The following DACH2 variants were observed in gnomAD, a reference collection of about 807,000 sequenced individuals.
DACH2 encodes dachshund family transcription factor 2.
Under a neutral mutation model 35.8 loss-of-function variants are expected in DACH2, and 17 were observed. The ratio of observed to expected loss-of-function variants is 0.48; its 90% CI spans 0.33 to 0.71. The LOEUF (loss-of-function observed/expected upper bound fraction) is 0.71, where lower values mean the gene tolerates loss of function less well. Among genes scored for constraint, DACH2 ranks in the 30% least tolerant of loss-of-function variants. DACH2 has a pLI of 0.02. For synonymous variants in DACH2, 195 were observed against 177.3 expected (o/e 1.10, Z -0.79); for missense variants, 469 against 472.7 (o/e 0.99, Z 0.07).
intron 3 of DACH2, among the ~76,000 whole-genome samples, chrX:86,539,926 T>C (rs756556974): frequency 4.5e-5 from 5 of 111,299 alleles, no homozygotes; most frequent in Non-Finnish European, 7.5e-5. Context: ...TATATTACAA[T>C]TGATCCATTC....
chrX:86,820,031 T>C (rs952670508), intron 11 of DACH2, among the ~76,000 whole-genome samples: 3 of 111,613 alleles, frequency 2.7e-5, no homozygotes, highest in African/African-American at 9.7e-5. Context: ...AAACAGAATA[T>C]GAAGCTCCTA....
At chrX:86,609,259 C>T (rs778864551) in intron 3 of DACH2, among the ~76,000 whole-genome samples, 3 of 112,167 alleles carry the variant, frequency 2.7e-5, no homozygotes, top group South Asian at 7.3e-4. Flanking sequence ...CTTTTAAAGA[C>T]TCTGATATAT....
chrX:86,229,526 G>C (rs1306264740), intron 1 of DACH2, among the ~76,000 whole-genome samples: 2 of 111,150 alleles, frequency 1.8e-5, no homozygotes, highest in African/African-American at 6.5e-5. Context: ...ATTTTGATGA[G>C]GATTGCATTG....
chrX:86,499,835 A>G (rs189629489), intron 2 of DACH2, among the ~76,000 whole-genome samples: 1 of 111,965 alleles, frequency 8.9e-6, no homozygotes, highest in African/African-American at 3.2e-5. Context: ...CTTTCAGGCA[A>G]TCATGTGCTG....
chrX:86,813,419 G>A lies in DACH2; in HGVS notation c.1537+142G>A, dbSNP rs554407757. ...AGATTGAGACCATCCTGGCTAACAC[G>A]GAGAAACCCCATCTCTACTAAAAAT... On this transcript the variant is annotated intron_variant, in intron 9 of 11. Transcript: ENST00000373125. 399 of 412,443 alleles carry A rather than the reference G, an allele frequency of 9.7e-4. 1 individual carries two copies. Among genetic ancestry groups the A allele is most frequent in the Middle Eastern group, 6.3e-3 (8 of 1,262 alleles). 34.0% of individuals were successfully genotyped at this position (412,443 alleles called of 1,213,427 possible). A position where few individuals can be genotyped will look rare whatever the true frequency, so the allele number is the denominator to read the frequency against.
At chrX:86,417,357 C>T (rs981944146) in intron 2 of DACH2, among the ~76,000 whole-genome samples, 3 of 111,409 alleles carry the variant, frequency 2.7e-5, no homozygotes, top group African/African-American at 9.8e-5. Flanking sequence ...AATTTTCATG[C>T]TGCCAATAAA....
chrX:86,775,196 A>T (rs1266388855), intron 7 of DACH2, among the ~76,000 whole-genome samples: 1 of 110,328 alleles, frequency 9.1e-6, no homozygotes, highest in Non-Finnish European at 1.9e-5. Context: ...AAGAGGTGGG[A>T]CCTGAGTTAA....
intron 1 of DACH2, among the ~76,000 whole-genome samples, chrX:86,285,324 TTTCTC>T (rs1471730196): frequency 8.9e-6 from 1 of 111,967 alleles, no homozygotes; most frequent in Non-Finnish European, 1.9e-5. Flanking sequence ...GCTGTAAACT[TTTCTC>T]TTAGTACTGC....
intron 2 of DACH2, among the ~76,000 whole-genome samples, chrX:86,435,666 G>A (rs754629332): frequency 4.5e-4 from 50 of 111,726 alleles, no homozygotes; most frequent in Middle Eastern, 9.1e-3. Flanking sequence ...TTAGGTAAAG[G>A]TTGAATTTCT....
rs143764585 is a variant in DACH2 at position 86,154,639 on chromosome X, T to A, written c.488+5531T>A. 3.8e-4 allele frequency among the ~76,000 whole-genome samples: 42 copies of A among 111,915 alleles called. 1 individual carries two copies. In the East Asian group the frequency reaches 0.011, roughly 30 times the overall value. On this transcript the variant is annotated intron_variant, in intron 1 of 11. Coordinates refer to ENST00000373125, the MANE Select transcript of DACH2 (RefSeq NM_053281.3). ...TTACACTTTTTTCCATTTGAATTGATCTTGCATTAATTTCACCAAGCGGCT... is the reference window on the plus strand; with the variant it reads ...TTACACTTTTTTCCATTTGAATTGAACTTGCATTAATTTCACCAAGCGGCT...
chrX:86,785,141 A>C (rs2042124810), intron 7 of DACH2, among the ~76,000 whole-genome samples: 2 of 111,659 alleles, frequency 1.8e-5, no homozygotes, highest in African/African-American at 6.5e-5. Context: ...AAAGGTTTTC[A>C]AAAACAAAGA....
intron 2 of DACH2, among the ~76,000 whole-genome samples, chrX:86,511,096 A>G (rs758659000): frequency 4.3e-4 from 48 of 111,694 alleles, no homozygotes; most frequent in Non-Finnish European, 7.0e-4. Flanking sequence ...TAATATGTGA[A>G]TATCTGCCTG....
chrX:86,628,202 A>C (rs2040159407), intron 3 of DACH2, among the ~76,000 whole-genome samples: 1 of 112,503 alleles, frequency 8.9e-6, no homozygotes, highest in South Asian at 3.7e-4. Flanking sequence ...TTATGGTAGT[A>C]AGCACCTTAC....
intron 7 of DACH2, among the ~76,000 whole-genome samples, chrX:86,762,326 A>G (rs1484405876): frequency 9.0e-6 from 1 of 111,434 alleles, no homozygotes; most frequent in East Asian, 2.8e-4. Context: ...ATTATCTCTA[A>G]TCTGGTATCC....
At chrX:86,413,566 T>C (rs2036651053) in intron 2 of DACH2, among the ~76,000 whole-genome samples, 1 of 112,061 alleles carries the variant, frequency 8.9e-6, no homozygotes, top group African/African-American at 3.2e-5. Flanking sequence ...TGAATAGGGA[T>C]GTAGTGGGAA....
chrX:86,611,653 G>C, intron 3 of DACH2, among the ~76,000 whole-genome samples: 1 of 111,070 alleles, frequency 9.0e-6, no homozygotes, highest in Non-Finnish European at 1.9e-5. Context: ...CTGTAGGCAG[G>C]CATCAGTTGC....
chrX:86,452,697 C>G (rs1162991183), intron 2 of DACH2, among the ~76,000 whole-genome samples: 1 of 109,619 alleles, frequency 9.1e-6, no homozygotes, highest in Non-Finnish European at 1.9e-5. Context: ...ATTGTGTTTG[C>G]TTCTTCTCTC....
intron 2 of DACH2, among the ~76,000 whole-genome samples, chrX:86,388,082 G>T (rs900160632): frequency 1.9e-4 from 21 of 111,873 alleles, no homozygotes; most frequent in African/African-American, 6.8e-4. Context: ...TAATTCTGTG[G>T]TGATGTAAAA....
chrX:86,248,141 T>G (rs1374774532), intron 1 of DACH2, among the ~76,000 whole-genome samples: 3 of 111,111 alleles, frequency 2.7e-5, no homozygotes, highest in East Asian at 5.7e-4. Flanking sequence ...GACAAGTATA[T>G]CCACTCTCAC....
Sources: allele counts gnomAD v4.1 joint callset (sites outside exome capture counted in the v4.1 genomes callset), GRCh38; gene constraint gnomAD v4.1.1; transcripts MANE v1.5; gene names NCBI Gene and HGNC (gene_info 2026-07-23, HGNC 2026-07-21).